The following PCDHA1 variants were observed in gnomAD, a reference collection of about 807,000 sequenced individuals.
The protein encoded by PCDHA1 is protocadherin alpha-1.
PCDHA1 carries 42 observed loss-of-function variants against 61.3 expected under a neutral mutation model. The observed-to-expected ratio is 0.69, with a 90% confidence interval of 0.54 to 0.89. PCDHA1 has a LOEUF of 0.89. Ranked by LOEUF, PCDHA1 falls within the 40% of genes least tolerant of loss-of-function variation. The pLI is 0.00. For synonymous variants in PCDHA1, 610 were observed against 553.8 expected, an observed-to-expected ratio of 1.10 and a Z score of -1.43; for missense variants, 1,256 against 1,235.3, an observed-to-expected ratio of 1.02 and a Z score of -0.25.
At chr5:140,958,498 G>A (rs2095427243) in intron 1 of PCDHA1, among the ~76,000 whole-genome samples, 1 of 152,020 alleles carries the variant, frequency 6.6e-6, no homozygotes, top group African/African-American at 2.4e-5. Context: ...ACATATCCTA[G>A]GAGGCATGGC....
At chr5:140,908,692 C>G (rs2074096551) in intron 1 of PCDHA1, among the ~76,000 whole-genome samples, 1 of 152,208 alleles carries the variant, frequency 6.6e-6, no homozygotes, top group South Asian at 2.1e-4. Context: ...CTGCCACTGA[C>G]ACCTCAAGCA....
chr5:140,861,090 T>C (rs1449145259), intron 1 of PCDHA1: 1 of 152,308 alleles, frequency 6.6e-6, no homozygotes, highest in African/African-American at 2.4e-5. Flanking sequence ...GAAGCTCCAT[T>C]GTTCCTGTAC....
In PCDHA1 at chr5:140,922,940, G is replaced by A. The variant is rs138846807; in HGVS notation, c.2395-56009G>A. 4.7e-3 allele frequency among the ~76,000 whole-genome samples: 717 copies of A among 152,280 alleles called. 4 individuals carry two copies. Among genetic ancestry groups the A allele is most frequent in the Middle Eastern group, 0.021 (6 of 292 alleles). On this transcript the variant is annotated intron_variant, in intron 1 of 3. Coordinates refer to ENST00000504120, the MANE Select transcript of PCDHA1 (RefSeq NM_018900.4). Reference sequence around the variant, plus strand: ...ACTTCAGACTTTTACTTCCAGCAATGGAAATCCAGTTTGTCTTCAGCCAGT... The same window carrying A: ...ACTTCAGACTTTTACTTCCAGCAATAGAAATCCAGTTTGTCTTCAGCCAGT...
chr5:140,850,695 C>T lies in PCDHA1; in HGVS notation c.2394+62011C>T, dbSNP rs2150494737. 6 of 1,598,304 alleles carry T rather than the reference C, an allele frequency of 3.8e-6. No homozygotes were observed. The South Asian group carries it at 5.5e-5, about 15-fold the overall frequency. On this transcript the variant is annotated intron_variant, in intron 1 of 3. Transcript: ENST00000504120. Reference sequence around the variant, plus strand: ...GATGCCCACCGAGGGCGAGTGCGCGCCTGGCAAGCCGACGCTGGTGTGTTC... The same window carrying T: ...GATGCCCACCGAGGGCGAGTGCGCGTCTGGCAAGCCGACGCTGGTGTGTTC...
intron 1 of PCDHA1, chr5:140,861,361 T>C: frequency 2.8e-6 from 1 of 352,562 alleles, no homozygotes; most frequent in Admixed American, 3.2e-5. Flanking sequence ...CATAGCGTCT[T>C]CGCGGTCCCT....
chr5:140,836,437 G>A (rs1447681112), intron 1 of PCDHA1: 1 of 1,613,724 alleles, frequency 6.2e-7, no homozygotes, highest in African/African-American at 1.3e-5. Flanking sequence ...GCATCGTTGG[G>A]CATTGCAGGC....
At chr5:140,826,604 A>T (rs2150144366) in intron 1 of PCDHA1, among the ~76,000 whole-genome samples, 7 of 152,290 alleles carry the variant, frequency 4.6e-5, no homozygotes, top group African/African-American at 1.4e-4. Flanking sequence ...AGGTTAAATT[A>T]AGGGCGAAGT....
intron 1 of PCDHA1, among the ~76,000 whole-genome samples, chr5:140,913,117 G>T (rs1055437222): frequency 1.3e-5 from 2 of 152,144 alleles, no homozygotes; most frequent in Non-Finnish European, 2.9e-5. Flanking sequence ...CAGTTTGGAA[G>T]TTAACCCCTC....
At chr5:140,917,340 T>TGGGGG (rs2078149834) in intron 1 of PCDHA1, among the ~76,000 whole-genome samples, 2 of 133,058 alleles carry the variant, frequency 1.5e-5, no homozygotes, top group African/African-American at 2.7e-5. Flanking sequence ...AGGGGGGGGA[T>TGGGGG]GGTGTAGGCT....
At chr5:140,867,423 A>G (rs1399312852) in intron 1 of PCDHA1, 14 of 152,182 alleles carry the variant, frequency 9.2e-5, no homozygotes, top group African/African-American at 3.4e-4. Flanking sequence ...TTTTTAATAC[A>G]GAATTTTGCA....
intron 1 of PCDHA1, among the ~76,000 whole-genome samples, chr5:140,897,559 G>A (rs1554187454): frequency 6.6e-6 from 1 of 152,026 alleles, no homozygotes; most frequent in African/African-American, 2.4e-5. Context: ...TGGTGTATAT[G>A]TGCCACATTT....
chr5:140,827,639 A>G (rs2150148590), intron 1 of PCDHA1, among the ~76,000 whole-genome samples: 6 of 152,354 alleles, frequency 3.9e-5, no homozygotes, highest in Admixed American at 1.3e-4. Context: ...AATAGTTTAC[A>G]TTTCTGATTT....
chr5:140,997,817 A>G (rs570760153), intron 3 of PCDHA1, among the ~76,000 whole-genome samples: 2 of 152,306 alleles, frequency 1.3e-5, no homozygotes, highest in South Asian at 4.1e-4. Flanking sequence ...GTTGGTATCT[A>G]TGTTTTCTAA....
At chr5:140,966,709 G>T in intron 1 of PCDHA1, 2 of 1,387,174 alleles carry the variant, frequency 1.4e-6, no homozygotes, top group Non-Finnish European at 1.9e-6. Flanking sequence ...CGTGGGGCAC[G>T]GCTGGGGAAG....
At chr5:140,981,169 C>T (rs2096920797) in intron 2 of PCDHA1, among the ~76,000 whole-genome samples, 1 of 152,170 alleles carries the variant, frequency 6.6e-6, no homozygotes, top group Admixed American at 6.5e-5. Context: ...GTTGCCTTCC[C>T]TCTAATAGTT....
At chr5:140,915,557 T>G (rs909593732) in intron 1 of PCDHA1, among the ~76,000 whole-genome samples, 1 of 152,102 alleles carries the variant, frequency 6.6e-6, no homozygotes, top group African/African-American at 2.4e-5. Flanking sequence ...AGATCCAGAA[T>G]GATTATCTGG....
intron 1 of PCDHA1, chr5:140,836,076 C>A (rs1387042597): frequency 5.6e-6 from 9 of 1,613,592 alleles, no homozygotes; most frequent in Non-Finnish European, 7.6e-6. Flanking sequence ...CGCGCCGGCA[C>A]TGCTGGCGCC....
chr5:140,966,373 T>G (rs1554228235), intron 1 of PCDHA1: 1 of 404,624 alleles, frequency 2.5e-6, no homozygotes, highest in African/African-American at 2.1e-5. Flanking sequence ...GGCTGAGCAG[T>G]CCGGGTTCGC....
At chr5:140,883,655 T>A (rs782178754) in intron 1 of PCDHA1, 7 of 1,613,000 alleles carry the variant, frequency 4.3e-6, no homozygotes, top group African/African-American at 1.3e-5. Context: ...GTACACGGTG[T>A]TCGTGAAGGA....
Sources: allele counts gnomAD v4.1 joint callset (sites outside exome capture counted in the v4.1 genomes callset), GRCh38; gene constraint gnomAD v4.1.1; transcripts MANE v1.5; gene names NCBI Gene and HGNC (gene_info 2026-07-23, HGNC 2026-07-21).